STARD13: variants seen among roughly 807,000 people sequenced by gnomAD.
STARD13 encodes the protein StAR related lipid transfer domain containing 13.
A neutral mutation model predicts 106.4 loss-of-function variants in STARD13; 62 were observed. The ratio of observed to expected loss-of-function variants is 0.58; its 90% CI spans 0.48 to 0.72. The LOEUF (loss-of-function observed/expected upper bound fraction) is 0.72. Ranked by LOEUF, STARD13 falls within the 30% of genes least tolerant of loss-of-function variation. The pLI is 0.00. For missense variants in STARD13, 1,387 were observed against 1,424.0 expected (o/e 0.97, Z 0.42); for synonymous variants, 565 against 553.0 (o/e 1.02, Z -0.31).
chr13:33,640,182 C>G, the STARD13 span, among the ~76,000 whole-genome samples: 1 of 152,092 alleles, frequency 6.6e-6, no homozygotes, highest in Non-Finnish European at 1.5e-5. Flanking sequence ...CACCATTTCT[C>G]ATTGTGATCT....
At chr13:33,570,266 T>C in the STARD13 span, among the ~76,000 whole-genome samples, 1 of 147,850 alleles carries the variant, frequency 6.8e-6, no homozygotes, top group African/African-American at 2.5e-5. Context: ...TAGCTACTCA[T>C]TCTCATGTAC....
chr13:33,372,919 T>C, the STARD13 span, among the ~76,000 whole-genome samples: 1 of 152,146 alleles, frequency 6.6e-6, no homozygotes, highest in Admixed American at 6.5e-5. Flanking sequence ...GCCATATCAA[T>C]GATGAATTTG....
At chr13:33,249,040 T>C (rs11842842) in intron 1 of STARD13, among the ~76,000 whole-genome samples, 1,830 of 152,358 alleles carry the variant, frequency 0.012, 33 homozygotes, top group African/African-American at 0.041. Context: ...ATGAGTACTA[T>C]ATTTTAAAGG....
At chr13:33,123,074 A>AAAAAAAAAAAAC (rs1876604599) in intron 7 of STARD13, among the ~76,000 whole-genome samples, 1 of 150,790 alleles carries the variant, frequency 6.6e-6, no homozygotes, top group Non-Finnish European at 1.5e-5. Flanking sequence ...AAAAAAAAAA[A>AAAAAAAAAAAAC]AAAAAGCAAG....
At chr13:33,504,687 T>C in the STARD13 span, among the ~76,000 whole-genome samples, 76 of 152,148 alleles carry the variant, frequency 5.0e-4, no homozygotes, top group African/African-American at 1.8e-3. Context: ...CACACCAACA[T>C]GGCACATGTA....
chr13:33,340,729 C>T (rs972299405), intron 1 of STARD13, among the ~76,000 whole-genome samples: 1 of 152,114 alleles, frequency 6.6e-6, no homozygotes, highest in African/African-American at 2.4e-5. Context: ...AAAGATACTG[C>T]CTGAGAGTGT....
At chr13:33,239,255 G>T (rs114895400) in intron 1 of STARD13, among the ~76,000 whole-genome samples, 1 of 151,950 alleles carries the variant, frequency 6.6e-6, no homozygotes, top group African/African-American at 2.4e-5. Flanking sequence ...TATATACCAC[G>T]TTTTCTTCAT....
chr13:33,119,318 T>A (rs1277136063), intron 7 of STARD13, among the ~76,000 whole-genome samples: 1 of 152,218 alleles, frequency 6.6e-6, no homozygotes, highest in Non-Finnish European at 1.5e-5. Flanking sequence ...CAGTGGCTCA[T>A]GGGTTGGCCC....
At chr13:33,595,729 T>C in the STARD13 span, among the ~76,000 whole-genome samples, 3 of 152,182 alleles carry the variant, frequency 2.0e-5, no homozygotes, top group African/African-American at 7.2e-5. Flanking sequence ...AAATCTGCAA[T>C]TTGGAAAAGT....
intron 1 of STARD13, among the ~76,000 whole-genome samples, chr13:33,302,481 T>C (rs1419921087): frequency 6.6e-6 from 1 of 152,176 alleles, no homozygotes; most frequent in African/African-American, 2.4e-5. Context: ...AGTGGCGTGA[T>C]CATGGCTCAC....
the STARD13 span, among the ~76,000 whole-genome samples, chr13:33,407,998 C>T: frequency 1.0e-3 from 158 of 152,204 alleles, no homozygotes; most frequent in Non-Finnish European, 1.1e-3. Flanking sequence ...GCCTCAAGAA[C>T]GGGAGTTGTC....
At chr13:33,529,674 CA>C in the STARD13 span, among the ~76,000 whole-genome samples, 1 of 151,896 alleles carries the variant, frequency 6.6e-6, no homozygotes, top group Non-Finnish European at 1.5e-5. Context: ...GGAAAACAGA[CA>C]AAAAAAGCAA....
intron 3 of STARD13, among the ~76,000 whole-genome samples, chr13:33,149,874 T>G (rs1029216694): frequency 2.0e-5 from 3 of 152,238 alleles, no homozygotes; most frequent in Non-Finnish European, 4.4e-5. Context: ...CAATCTGCAT[T>G]TAGGACAAAT....
intron 1 of STARD13, among the ~76,000 whole-genome samples, chr13:33,276,446 A>C (rs7330547): frequency 0.35 from 52,737 of 152,016 alleles, 9,641 homozygotes; most frequent in African/African-American, 0.45. Flanking sequence ...AATATCATTA[A>C]CGCAGGATTT....
At chr13:33,396,928 G>C in the STARD13 span, among the ~76,000 whole-genome samples, 78 of 152,252 alleles carry the variant, frequency 5.1e-4, no homozygotes, top group African/African-American at 1.9e-3. Flanking sequence ...CTGTGAGGAG[G>C]AACTCCAGCA....
At chr13:33,245,134 T>C (rs188724611) in intron 1 of STARD13, among the ~76,000 whole-genome samples, 1 of 152,358 alleles carries the variant, frequency 6.6e-6, no homozygotes, top group Non-Finnish European at 1.5e-5. Flanking sequence ...TGAGTTTCAC[T>C]GTGAGTTAAA....
chr13:33,127,677 A>G (rs1319458014), intron 5 of STARD13, 131 bp from the exon 6 acceptor site: 1 of 818,068 alleles, frequency 1.2e-6, no homozygotes, highest in Non-Finnish European at 1.8e-6. Context: ...AGCAAATGGA[A>G]CAGAAGACAC....
At chr13:33,311,501 C>T (rs189642762) in intron 1 of STARD13, among the ~76,000 whole-genome samples, 109 of 152,328 alleles carry the variant, frequency 7.2e-4, no homozygotes, top group Admixed American at 1.8e-3. Context: ...GGGAAGCCTA[C>T]TTAATCTCTC....
intron 1 of STARD13, 43 bp downstream of exon 1, chr13:33,285,427 A>G (rs1353175616): frequency 1.3e-6 from 2 of 1,584,152 alleles, no homozygotes; most frequent in Non-Finnish European, 1.7e-6. Flanking sequence ...TAGAGCCAAC[A>G]GAAATCAGAA....
Sources: gnomAD v4.1 joint callset for allele counts (sites outside exome capture counted in the v4.1 genomes callset) on GRCh38, gnomAD v4.1.1 for gene constraint, MANE v1.5 for transcripts, NCBI Gene and HGNC (gene_info 2026-07-23, HGNC 2026-07-21) for gene names.